XPNPEP1: variants seen among roughly 807,000 people sequenced by gnomAD.
The protein encoded by XPNPEP1 is X-prolyl aminopeptidase 1.
A neutral mutation model predicts 92.4 loss-of-function variants in XPNPEP1; 39 were observed. The observed-to-expected ratio is 0.42, with a 90% CI of 0.33 to 0.55. The LOEUF is 0.55. Ranked by LOEUF, XPNPEP1 falls within the 20% of genes least tolerant of loss-of-function variation. XPNPEP1 has a pLI of 0.08. For synonymous variants in XPNPEP1, 307 were observed against 299.4 expected (o/e 1.03, Z -0.26); for missense variants, 654 against 856.1 (o/e 0.76, Z 2.95).
At chr10:109,882,974 G>T (rs547710121) in intron 9 of XPNPEP1, among the ~76,000 whole-genome samples, 3 of 152,118 alleles carry the variant, frequency 2.0e-5, no homozygotes, top group Non-Finnish European at 2.9e-5. Context: ...TCAGGTTCAG[G>T]TCCCACCATC....
chr10:109,877,734 C>G, intron 14 of XPNPEP1, 56 bp downstream of exon 14: 1 of 1,607,570 alleles, frequency 6.2e-7, no homozygotes, highest in East Asian at 2.2e-5. Context: ...CTCCCCTGCT[C>G]AGGCTCCTGT....
intron 3 of XPNPEP1, among the ~76,000 whole-genome samples, chr10:109,906,767 G>A (rs1356397428): frequency 6.6e-6 from 1 of 152,090 alleles, no homozygotes; most frequent in Admixed American, 6.5e-5. Context: ...TGCCTTTGCT[G>A]CCACTAATAC....
rs975139182 is a variant in XPNPEP1 at position 109,883,579 on chromosome 10, C to T, written c.830+488G>A. Among the ~76,000 whole-genome samples the T allele has an allele frequency of 5.3e-5, 8 of 152,082 alleles. No individual in the cohort carries two copies. The East Asian group carries it at 5.8e-4, about 11-fold the overall frequency. ...CCTAACAGAGACCCTTAGCACATCA[C>T]CAGCACTTAATAAATGTGTTGTCTT... On this transcript the variant is annotated intron_variant, in intron 9 of 20. Coordinates refer to ENST00000502935, the MANE Select transcript of XPNPEP1 (RefSeq NM_020383.4).
intron 8 of XPNPEP1, 56 bp from the exon 9 acceptor site, chr10:109,884,204 G>T: frequency 6.4e-7 from 1 of 1,550,538 alleles, no homozygotes; most frequent in Non-Finnish European, 8.9e-7. Flanking sequence ...TTAAGGGGTC[G>T]CTTGTAGCGG....
At chr10:109,903,477 CA>C (rs1849395591) in intron 3 of XPNPEP1, among the ~76,000 whole-genome samples, 1 of 152,184 alleles carries the variant, frequency 6.6e-6, no homozygotes, top group South Asian at 2.1e-4. Context: ...ACCATCTGCT[CA>C]ACACTAACAG....
chr10:109,886,114 C>T lies in XPNPEP1; in HGVS notation c.748+132G>A, dbSNP rs1848372834. The T allele has an allele frequency of 4.7e-6, 4 of 853,444 alleles. No homozygotes were observed. The South Asian group carries it at 6.5e-5, about 14-fold the overall frequency. 52.9% of individuals were successfully genotyped at this position (853,444 alleles called of 1,614,324 possible). A position where few individuals can be genotyped will look rare whatever the true frequency, so the allele number is the denominator to read the frequency against. On this transcript the variant is annotated intron_variant, in intron 8 of 20. Coordinates refer to ENST00000502935, the MANE Select transcript of XPNPEP1 (RefSeq NM_020383.4). ...TTCATCCTAGTTGGCATCTCCTATACCCATTTGGTGACGTAGTCTTCTTCT... is the reference window on the plus strand; with the variant it reads ...TTCATCCTAGTTGGCATCTCCTATATCCATTTGGTGACGTAGTCTTCTTCT...
In XPNPEP1 at chr10:109,865,207, G is replaced by A; in HGVS notation, c.1978C>T (p.Gln660Ter). 8 of 1,614,198 alleles carry A rather than the reference G, an allele frequency of 5.0e-6. No individual in the cohort carries two copies. The highest frequency in any genetic ancestry group is 6.8e-6 in the Non-Finnish European group (8 of 1,180,038). ...TATTAATGCTGTTTGGAGATGGGTTGCGTCTCTCTGATGAGCCACTCGAGA... is the reference window on the plus strand; with the variant it reads ...TATTAATGCTGTTTGGAGATGGGTTACGTCTCTCTGATGAGCCACTCGAGA... ...EALEWLIRETQPISKQH is the reference protein window; with the variant it reads ...EALEWLIRET Residue 660 changes from glutamine (Q) to a stop codon, truncating the protein, a stop_gained, in exon 21 of 21, where the codon CAA (glutamine) becomes TAA (stop). Coordinates refer to ENST00000502935, the MANE Select transcript of XPNPEP1 (RefSeq NM_020383.4). LOFTEE classifies it high-confidence loss of function.
chr10:109,921,366 C>T (rs1435457058), intron 1 of XPNPEP1, among the ~76,000 whole-genome samples: 1 of 152,234 alleles, frequency 6.6e-6, no homozygotes, highest in Non-Finnish European at 1.5e-5. Flanking sequence ...TACACCTTCT[C>T]AACTTCATGA....
intron 1 of XPNPEP1, among the ~76,000 whole-genome samples, chr10:109,918,864 GA>G (rs1392120229): frequency 3.1e-4 from 12 of 38,580 alleles, no homozygotes; most frequent in African/African-American, 5.7e-4. Context: ...AGGAGGGAAG[GA>G]AGGAAGGAAG....
chr10:109,910,411 G>A, intron 2 of XPNPEP1, among the ~76,000 whole-genome samples: 1 of 152,022 alleles, frequency 6.6e-6, no homozygotes, highest in Non-Finnish European at 1.5e-5. Context: ...GGGCATGGTG[G>A]CACATGTCTG....
intron 1 of XPNPEP1, among the ~76,000 whole-genome samples, chr10:109,922,260 G>A (rs989064927): frequency 6.6e-6 from 1 of 152,128 alleles, no homozygotes; most frequent in Non-Finnish European, 1.5e-5. Context: ...CTACCAGCTG[G>A]TGTAGAAAAG....
intron 3 of XPNPEP1, chr10:109,893,388 A>C: frequency 1.2e-5 from 3 of 246,436 alleles, no homozygotes; most frequent in Non-Finnish European, 7.7e-6. Flanking sequence ...CAAACCAATA[A>C]TAGCCTTCTC....
rs1481612508 is a variant in XPNPEP1 at position 109,907,710 on chromosome 10, G to A, written c.227C>T (p.Pro76Leu). The change falls in exon 3 of 21, where the codon CCA becomes CTA. Residue 76 changes from proline to leucine, a missense_variant. Pro to Leu is a moderately conservative substitution (Grantham distance 98). Coordinates refer to ENST00000502935, the MANE Select transcript of XPNPEP1 (RefSeq NM_020383.4). The stretch of plus-strand genomic sequence containing the variant: ...CAGTACCTGATGAGCATCTCCCGAT[G>A]GGATGATGTAGGCCTGGATCGGTTC... ...VTEPIQAYII[P>L]SGDAHQSEYI... 1 of 1,614,198 alleles carries A rather than the reference G, an allele frequency of 6.2e-7. No individual in the cohort carries two copies. The highest frequency in any genetic ancestry group is 2.2e-5 in the East Asian group (1 of 44,890).
intron 1 of XPNPEP1, among the ~76,000 whole-genome samples, chr10:109,916,808 A>C (rs1850217733): frequency 6.6e-6 from 1 of 152,234 alleles, no homozygotes; most frequent in Non-Finnish European, 1.5e-5. Flanking sequence ...CCAGGAATAC[A>C]AGGTTGGCTC....
At chr10:109,904,825 T>C (rs1020199706) in intron 3 of XPNPEP1, among the ~76,000 whole-genome samples, 6 of 152,278 alleles carry the variant, frequency 3.9e-5, no homozygotes, top group African/African-American at 1.4e-4. Context: ...TGCAAAATAG[T>C]ACAGGTGCTG....
intron 16 of XPNPEP1, among the ~76,000 whole-genome samples, chr10:109,872,078 A>G (rs1276457518): frequency 6.6e-6 from 1 of 152,232 alleles, no homozygotes; most frequent in Non-Finnish European, 1.5e-5. Context: ...GCACTGTCAG[A>G]GAGATGACCC....
intron 3 of XPNPEP1, among the ~76,000 whole-genome samples, chr10:109,896,210 C>G (rs867034952): frequency 6.6e-6 from 1 of 152,024 alleles, no homozygotes; most frequent in Admixed American, 6.6e-5. Context: ...TACTACCCAG[C>G]TATAATAGCC....
intron 3 of XPNPEP1, among the ~76,000 whole-genome samples, chr10:109,904,971 G>C (rs1216131069): frequency 2.0e-5 from 3 of 151,942 alleles, no homozygotes. Flanking sequence ...CATGTTCATT[G>C]CAACATTACT....
intron 11 of XPNPEP1, 62 bp downstream of exon 11, chr10:109,880,780 T>G: frequency 6.6e-7 from 1 of 1,521,870 alleles, no homozygotes; most frequent in South Asian, 1.2e-5. Context: ...ACAGAGGAGG[T>G]GAAGGAGCCG....
Sources: allele counts gnomAD v4.1 joint callset (sites outside exome capture counted in the v4.1 genomes callset), GRCh38; gene constraint gnomAD v4.1.1; transcripts MANE v1.5; gene names NCBI Gene and HGNC (gene_info 2026-07-23, HGNC 2026-07-21).